DNAJC10: variants seen among roughly 807,000 people sequenced by gnomAD.
DNAJC10 encodes the protein endoplasmic reticulum disulfide reductase DNAJC10.
DNAJC10 carries 101 observed loss-of-function variants against 115.0 expected under a neutral mutation model. That is an observed-to-expected ratio of 0.88 (90% CI 0.75 to 1.04). DNAJC10 has a LOEUF of 1.04. Among genes scored for constraint, DNAJC10 ranks in the 50% least tolerant of loss-of-function variants. The probability of loss-of-function intolerance (pLI) is 0.00; values close to 1 mark genes in which losing one functional copy is unlikely to be tolerated. For synonymous variants in DNAJC10, 307 were observed against 301.5 expected (o/e 1.02, Z -0.19); for missense variants, 981 against 928.8 (o/e 1.06, Z -0.73).
intron 8 of DNAJC10, among the ~76,000 whole-genome samples, chr2:182,730,721 A>C (rs1403976389): frequency 6.6e-6 from 1 of 152,162 alleles, no homozygotes; most frequent in Non-Finnish European, 1.5e-5. Flanking sequence ...TAATTGGGTC[A>C]AGTGGTGTGG....
chr2:182,755,323 A>G lies in DNAJC10; in HGVS notation c.1653+219A>G, dbSNP rs557180210. On this transcript the variant is annotated intron_variant, in intron 17 of 23. Transcript: ENST00000264065. ...GTTTTATTTGTTACCTGGTATGTAC[A>G]GTGCCTTATAAACAATGGACACAAT... Among the ~76,000 whole-genome samples, 37 of 152,228 alleles carry G rather than the reference A, an allele frequency of 2.4e-4. No homozygotes were observed. In the South Asian group the frequency reaches 7.7e-3, roughly 32 times the overall value.
chr2:182,775,458 G>T, intron 23 of DNAJC10, 38 bp downstream of exon 23: 1 of 1,435,962 alleles, frequency 7.0e-7, no homozygotes, highest in Non-Finnish European at 9.7e-7. Flanking sequence ...GGCAAAAGTT[G>T]GCAAAAGTTA....
intron 17 of DNAJC10, among the ~76,000 whole-genome samples, chr2:182,755,839 CTT>C (rs1694143397): frequency 1.3e-5 from 2 of 152,118 alleles, no homozygotes; most frequent in Non-Finnish European, 2.9e-5. Flanking sequence ...CCTTGAAACT[CTT>C]TTATTATCCA....
chr2:182,771,144 C>T (rs1443703257), intron 22 of DNAJC10, among the ~76,000 whole-genome samples: 1 of 152,088 alleles, frequency 6.6e-6, no homozygotes, highest in Non-Finnish European at 1.5e-5. Context: ...CCTTGCATCC[C>T]AGGGATGAAG....
chr2:182,721,521 G>T (rs1240745314), intron 4 of DNAJC10, among the ~76,000 whole-genome samples: 1 of 152,056 alleles, frequency 6.6e-6, no homozygotes, highest in Non-Finnish European at 1.5e-5. Flanking sequence ...AAGCTTTTTA[G>T]CAGAAGATAT....
At chr2:182,745,900 C>A (rs1191139758) in intron 14 of DNAJC10, among the ~76,000 whole-genome samples, 1 of 152,108 alleles carries the variant, frequency 6.6e-6, no homozygotes, top group Non-Finnish European at 1.5e-5. Context: ...CCCCCCACCC[C>A]ACAACAGTAC....
chr2:182,783,781 A>G lies in DNAJC10; in HGVS notation c.*6649A>G, dbSNP rs1406812648. ...CATGTTTTACTATAAAAACTTGGGT[A>G]TATTACTTGAAGATCAACTATATTG... On this transcript the variant is annotated 3_prime_UTR_variant, in exon 24 of 24. Transcript: ENST00000264065. 2.6e-5 allele frequency: 4 copies of G among 151,332 alleles called. No homozygotes were observed. Among genetic ancestry groups the G allele is most frequent in the Non-Finnish European group, 5.9e-5 (4 of 68,028 alleles). The allele number at this position is 151,332 out of a possible 1,614,324, so 9.4% of individuals were successfully genotyped here. A position where few individuals can be genotyped will look rare whatever the true frequency, so the allele number is the denominator to read the frequency against.
intron 14 of DNAJC10, 87 bp from the exon 15 acceptor site, chr2:182,751,571 A>G: frequency 7.2e-7 from 1 of 1,385,278 alleles, no homozygotes; most frequent in Non-Finnish European, 1.0e-6. Context: ...TATCTTCTTT[A>G]GTATTCTGAG....
intron 14 of DNAJC10, among the ~76,000 whole-genome samples, chr2:182,750,648 A>G (rs924348305): frequency 6.6e-6 from 1 of 152,242 alleles, no homozygotes; most frequent in Non-Finnish European, 1.5e-5. Context: ...CATCTAGGCT[A>G]TACAGTATAG....
Position 182,740,401 on chromosome 2 carries a change from TTAA to T in DNAJC10, c.1077+18_1077+20del, listed in dbSNP as rs770647741. On this transcript the variant is annotated intron_variant, in intron 12 of 23. Transcript: ENST00000264065. ...AAACACACTAGAGGTAATGTTTTTA[TTAA>T]TAATGATAAGTAGCAATGAATGTTC... is the stretch of plus-strand genomic sequence containing the variant. 11 of 1,552,666 alleles carry T rather than the reference TTAA, an allele frequency of 7.1e-6. No homozygotes were observed. Among genetic ancestry groups the T allele is most frequent in the South Asian group, 1.3e-5 (1 of 76,398 alleles).
chr2:182,775,711 A>G (rs1277140886), intron 23 of DNAJC10, among the ~76,000 whole-genome samples: 3 of 152,214 alleles, frequency 2.0e-5, no homozygotes, highest in Admixed American at 6.5e-5. Context: ...AGCAAAAAAA[A>G]GAAATGTCTG....
chr2:182,761,694 T>TG (rs1421685895), intron 21 of DNAJC10, among the ~76,000 whole-genome samples: 12 of 152,102 alleles, frequency 7.9e-5, no homozygotes, highest in Non-Finnish European at 1.5e-4. Context: ...TCAGGGGACA[T>TG]GCTGTGTTTG....
Position 182,790,329 on chromosome 2 carries a change from G to A in DNAJC10, c.*13197G>A, listed in dbSNP as rs959074828. 4 of 152,050 alleles carry A rather than the reference G, an allele frequency of 2.6e-5. No homozygotes were observed. Among genetic ancestry groups the A allele is most frequent in the Non-Finnish European group, 4.4e-5 (3 of 68,002 alleles). 9.4% of individuals were successfully genotyped at this position (152,050 alleles called of 1,614,324 possible). On this transcript the variant is annotated 3_prime_UTR_variant, in exon 24 of 24. Transcript: ENST00000264065. ...GGTGCTAAATGCTTCTAGCTTATTC[G>A]TTTAGTTTACATGACTTTCTGCATG...
In DNAJC10 at chr2:182,740,314, G is replaced by T; in HGVS notation, c.1003G>T (p.Asp335Tyr). The change falls in exon 12 of 24, where the codon GAT (aspartate) becomes TAT (tyrosine). Residue 335 changes from aspartate to tyrosine, a missense_variant. Asp to Tyr is a radical substitution (Grantham distance 160). Transcript: ENST00000264065. ...CTTTTTCTAGTTTCTCAACTCATTG[G>T]ATGCTAAAGAAATATATTTGGAAGT... ...KNSILFLNSL[D>Y]AKEIYLEVIH... is the part of the protein sequence containing the mutation. 3 of 1,491,018 alleles carry T rather than the reference G, an allele frequency of 2.0e-6. No individual in the cohort carries two copies. Among genetic ancestry groups the T allele is most frequent in the Non-Finnish European group, 2.7e-6 (3 of 1,099,530 alleles). 92.4% of individuals were successfully genotyped at this position (1,491,018 alleles called of 1,614,324 possible).
Position 182,717,981 on chromosome 2 carries a change from C to T in DNAJC10, c.-106C>T. ...GACAGATTTGTGATGCTTGATTCAC[C>T]CTTGAAGTAATGTAGACAGAAGTTC... On this transcript the variant is annotated 5_prime_UTR_variant, in exon 3 of 24. Coordinates refer to ENST00000264065, the MANE Select transcript of DNAJC10 (RefSeq NM_018981.4). 3 of 711,504 alleles carry T rather than the reference C, an allele frequency of 4.2e-6. No individual in the cohort carries two copies. The highest frequency in any genetic ancestry group is 3.1e-5 in the Admixed American group (1 of 32,022). 44.1% of individuals were successfully genotyped at this position (711,504 alleles called of 1,614,324 possible).
Position 182,782,537 on chromosome 2 carries a change from C to T in DNAJC10, c.*5405C>T, listed in dbSNP as rs976711283. On this transcript the variant is annotated 3_prime_UTR_variant, in exon 24 of 24. Coordinates refer to ENST00000264065, the MANE Select transcript of DNAJC10 (RefSeq NM_018981.4). ...GTATGACTATTTCACAATATTAATT[C>T]TTCCTATCCATGAGCATGGAATGCT... 4 of 152,122 alleles carry T rather than the reference C, an allele frequency of 2.6e-5. No individual in the cohort carries two copies. The highest frequency in any genetic ancestry group is 9.6e-5 in the African/African-American group (4 of 41,498). The allele number at this position is 152,122 out of a possible 1,614,324, so 9.4% of individuals were successfully genotyped here.
At chr2:182,747,410 G>A (rs557844084) in intron 14 of DNAJC10, among the ~76,000 whole-genome samples, 2 of 150,686 alleles carry the variant, frequency 1.3e-5, no homozygotes, top group Non-Finnish European at 1.5e-5. Flanking sequence ...ATTTCCTTGA[G>A]CAGTGGTTTG....
intron 21 of DNAJC10, 146 bp from the exon 22 acceptor site, chr2:182,762,536 T>A: frequency 1.2e-6 from 1 of 805,404 alleles, no homozygotes; most frequent in Non-Finnish European, 1.9e-6. Context: ...AAAGGGATAA[T>A]GTGGAAATAA....
At position 182,779,392 on chromosome 2, in the gene DNAJC10, A is replaced by G. The variant is rs1426919724; in HGVS notation, c.*2260A>G. ...GACCCTCTAACATGGTATCAATTCT[A>G]GCTGACCAAAGCACATTCTATCAGG... On this transcript the variant is annotated 3_prime_UTR_variant, in exon 24 of 24. Transcript: ENST00000264065. 1 of 152,192 alleles carries G rather than the reference A, an allele frequency of 6.6e-6. No individual in the cohort carries two copies. The highest frequency in any genetic ancestry group is 2.4e-5 in the African/African-American group (1 of 41,444). The allele number at this position is 152,192 out of a possible 1,614,324, so 9.4% of individuals were successfully genotyped here.
Sources: gnomAD v4.1 joint callset for allele counts (sites outside exome capture counted in the v4.1 genomes callset) on GRCh38, gnomAD v4.1.1 for gene constraint, MANE v1.5 for transcripts, NCBI Gene and HGNC (gene_info 2026-07-23, HGNC 2026-07-21) for gene names.